Variants in FAM227A observed in about 807,000 individuals in gnomAD.
The protein encoded by FAM227A is family with sequence similarity 227 member A, also known as protein FAM227A.
A neutral mutation model predicts 74.7 loss-of-function variants in FAM227A; 80 were observed. The ratio of observed to expected loss-of-function variants is 1.07; its 90% CI spans 0.89 to 1.29. The LOEUF (loss-of-function observed/expected upper bound fraction) is 1.29. Among genes scored for constraint, FAM227A ranks in the 50% most tolerant of loss-of-function variants. FAM227A has a pLI of 0.00. For synonymous variants in FAM227A, 237 were observed against 241.8 expected, an observed-to-expected ratio of 0.98 and a Z score of 0.19; for missense variants, 654 against 683.4, an observed-to-expected ratio of 0.96 and a Z score of 0.48.
At chr22:38,625,784 A>T (rs2091784991) in intron 9 of FAM227A, among the ~76,000 whole-genome samples, 1 of 151,478 alleles carries the variant, frequency 6.6e-6, no homozygotes, top group Admixed American at 6.6e-5. Context: ...TCTCTACTAC[A>T]AATACAAAAA....
chr22:38,613,212 C>CATA (rs2091473272), intron 11 of FAM227A, among the ~76,000 whole-genome samples: 5 of 54,702 alleles, frequency 9.1e-5, no homozygotes, highest in African/African-American at 3.9e-4. Flanking sequence ...TTATATATAT[C>CATA]TATGCTGTAT....
intron 3 of FAM227A, among the ~76,000 whole-genome samples, chr22:38,642,421 C>G (rs893728656): frequency 6.6e-6 from 1 of 152,004 alleles, no homozygotes; most frequent in Non-Finnish European, 1.5e-5. Context: ...ACTATAAAAC[C>G]CCTAGAAGAC....
chr22:38,624,837 A>G (rs753257670), intron 9 of FAM227A, among the ~76,000 whole-genome samples: 3 of 152,172 alleles, frequency 2.0e-5, no homozygotes, highest in Non-Finnish European at 4.4e-5. Flanking sequence ...TTTTTCCCTT[A>G]TAATCCAGCT....
At chr22:38,650,788 G>A (rs190032420) in intron 1 of FAM227A, among the ~76,000 whole-genome samples, 1 of 152,138 alleles carries the variant, frequency 6.6e-6, no homozygotes, top group East Asian at 1.9e-4. Flanking sequence ...TTCCTCCTTG[G>A]CTCTGCAACA....
rs113510810 is a variant in FAM227A, at chr22:38,636,303, G to A, written c.519+148C>T. On this transcript the variant is annotated intron_variant, in intron 6 of 16. Transcript: ENST00000535113. ...GAAGGAATCTAGGTTTTGCAGTGAG[G>A]TTGGGCTAGGGTTCCTAGCTCAGCT... 34 of 766,886 alleles carry A rather than the reference G, an allele frequency of 4.4e-5. 1 individual carries two copies. Among genetic ancestry groups the A allele is most frequent in the African/African-American group, 3.4e-4 (19 of 56,154 alleles). The allele number at this position is 766,886 out of a possible 1,614,324, so 47.5% of individuals were successfully genotyped here.
In FAM227A at chr22:38,599,834, T is replaced by C; in HGVS notation, c.1309A>G (p.Asn437Asp). 6.4e-7 allele frequency: 1 copy of C among 1,551,636 alleles called. No homozygotes were observed. The highest frequency in any genetic ancestry group is 8.7e-7 in the Non-Finnish European group (1 of 1,146,964). ...CCGTGCTGCTGCAGACTGGCATAGT[T>C]CTGGAGAAAGTACACAATCAGAGGG... ...KSPLIVYFLQ[N>D]YASLQQHGKN... The change falls in exon 14 of 17, where the codon AAC (asparagine) becomes GAC (aspartate). Residue 437 changes from asparagine to aspartate, a missense_variant. By Grantham distance (23) the Asn-to-Asp change is conservative. Coordinates refer to ENST00000535113, the MANE Select transcript of FAM227A (RefSeq NM_001013647.2).
intron 10 of FAM227A, among the ~76,000 whole-genome samples, chr22:38,621,759 C>A (rs925375130): frequency 3.3e-5 from 5 of 152,174 alleles, no homozygotes; most frequent in African/African-American, 1.2e-4. Flanking sequence ...CACTGGAAGT[C>A]CTGATCAACT....
Position 38,582,230 on chromosome 22 carries a change from C to T in FAM227A, c.*3895G>A. ...CCCCTTCCAGCTTCCCTCCTATCCC[C>T]TCTCCAGCTATCCCTCCTGTTCTTC... On this transcript the variant is annotated 3_prime_UTR_variant, in exon 17 of 17. Coordinates refer to ENST00000535113, the MANE Select transcript of FAM227A (RefSeq NM_001013647.2). 9.2e-7 allele frequency: 1 copy of T among 1,089,340 alleles called. No homozygotes were observed. Among genetic ancestry groups the T allele is most frequent in the Non-Finnish European group, 1.3e-6 (1 of 761,004 alleles). The allele number at this position is 1,089,340 out of a possible 1,614,324, so 67.5% of individuals were successfully genotyped here.
At chr22:38,611,540 C>T (rs994626840) in intron 11 of FAM227A, among the ~76,000 whole-genome samples, 7 of 152,120 alleles carry the variant, frequency 4.6e-5, no homozygotes, top group Non-Finnish European at 8.8e-5. Flanking sequence ...ATCACCTACC[C>T]CTAGATTGAA....
At chr22:38,617,011 C>T (rs529063270) in intron 11 of FAM227A, among the ~76,000 whole-genome samples, 50 of 152,022 alleles carry the variant, frequency 3.3e-4, no homozygotes, top group African/African-American at 1.0e-3. Flanking sequence ...CAGTGAAGAC[C>T]TTCCCTGGGT....
chr22:38,628,151 G>C, intron 8 of FAM227A, 87 bp downstream of exon 8: 1 of 810,072 alleles, frequency 1.2e-6, no homozygotes, highest in South Asian at 1.6e-5. Context: ...ACTCCCTTAT[G>C]TAAAGAATGT....
chr22:38,578,383 A>G lies in FAM227A; in HGVS notation c.*7742T>C, dbSNP rs1255726343. The stretch of plus-strand genomic sequence containing the variant: ...GTGGTGCATGACTGTGTGTATGTAT[A>G]CACACACATACATGTATATTTAATA... On this transcript the variant is annotated 3_prime_UTR_variant, in exon 17 of 17. Transcript: ENST00000535113. 1 of 152,174 alleles carries G rather than the reference A, an allele frequency of 6.6e-6. No homozygotes were observed. Among genetic ancestry groups the G allele is most frequent in the African/African-American group, 2.4e-5 (1 of 41,448 alleles). 9.4% of individuals were successfully genotyped at this position (152,174 alleles called of 1,614,324 possible).
In FAM227A at chr22:38,585,930, C is replaced by T; in HGVS notation, c.*195G>A. On this transcript the variant is annotated 3_prime_UTR_variant, in exon 17 of 17. Transcript: ENST00000535113. ...TAAATCTATGAATAAATGTAGTGAC[C>T]CAAGCACCAACTCTCTACTCCTGCT... 1.6e-6 allele frequency: 2 copies of T among 1,290,108 alleles called. No homozygotes were observed. The highest frequency in any genetic ancestry group is 2.1e-6 in the Non-Finnish European group (2 of 955,424). 79.9% of individuals were successfully genotyped at this position (1,290,108 alleles called of 1,614,324 possible).
In FAM227A at chr22:38,581,639, A is replaced by G. The variant is rs1487928301; in HGVS notation, c.*4486T>C. The stretch of plus-strand genomic sequence containing the variant: ...TTTTGAGTAGAGACAGGATTTCGCC[A>G]TGTTGGTCAGGCTGGTCTCAAACTA... On this transcript the variant is annotated 3_prime_UTR_variant, in exon 17 of 17. Transcript: ENST00000535113. 1.3e-5 allele frequency: 2 copies of G among 151,676 alleles called. No homozygotes were observed. The highest frequency in any genetic ancestry group is 2.9e-5 in the Non-Finnish European group (2 of 67,968). The allele number at this position is 151,676 out of a possible 1,614,324, so 9.4% of individuals were successfully genotyped here. A position where few individuals can be genotyped will look rare whatever the true frequency, so the allele number is the denominator to read the frequency against.
chr22:38,624,984 G>T (rs1384097148), intron 9 of FAM227A, among the ~76,000 whole-genome samples: 1 of 152,084 alleles, frequency 6.6e-6, no homozygotes, highest in East Asian at 1.9e-4. Context: ...ATTTAAAAGT[G>T]CTTACTTAGC....
intron 10 of FAM227A, among the ~76,000 whole-genome samples, chr22:38,621,223 G>A (rs1414691573): frequency 6.6e-6 from 1 of 151,830 alleles, no homozygotes; most frequent in East Asian, 1.9e-4. Context: ...GGTGGAGCAT[G>A]CCTGTAATCC....
rs1339441378 is a variant in FAM227A, at chr22:38,596,676, T to C, written c.1532+528A>G. 2.0e-5 allele frequency among the ~76,000 whole-genome samples: 3 copies of C among 152,350 alleles called. No individual in the cohort carries two copies. In the East Asian group the frequency reaches 5.8e-4, roughly 29 times the overall value. On this transcript the variant is annotated intron_variant, in intron 15 of 16. Coordinates refer to ENST00000535113, the MANE Select transcript of FAM227A (RefSeq NM_001013647.2). ...TGATGGACAGTTCAGTGTACTATCC[T>C]GATGGACAGTTCAGTGTACTATCCT...
At position 38,645,565 on chromosome 22, in the gene FAM227A, G is replaced by C; in HGVS notation, c.223C>G (p.Leu75Val). The change falls in exon 3 of 17, where the codon CTG becomes GTG. Residue 75 changes from leucine to valine, a missense_variant and splice_region_variant. By Grantham distance (32) the Leu-to-Val change is conservative. Coordinates refer to ENST00000535113, the MANE Select transcript of FAM227A (RefSeq NM_001013647.2). ...NLRTEPSANS[L>V]AIERFELEKK... ...CAGCTCCAGCATAGGTAACTCACCA[G>C]GCTGTTGGCCGACGGCTCGGTACGC... 6.4e-7 allele frequency: 1 copy of C among 1,550,560 alleles called. No homozygotes were observed. The highest frequency in any genetic ancestry group is 2.0e-5 in the Admixed American group (1 of 50,972).
At chr22:38,624,437 G>A (rs2091754903) in intron 9 of FAM227A, among the ~76,000 whole-genome samples, 1 of 152,078 alleles carries the variant, frequency 6.6e-6, no homozygotes, top group African/African-American at 2.4e-5. Context: ...TAACACAGCA[G>A]GCCTGAGACT....
Sources: allele counts gnomAD v4.1 joint callset (sites outside exome capture counted in the v4.1 genomes callset), GRCh38; gene constraint gnomAD v4.1.1; transcripts MANE v1.5; gene names NCBI Gene and HGNC (gene_info 2026-07-23, HGNC 2026-07-21).